EHBP1: variants seen among roughly 807,000 people sequenced by gnomAD.
EHBP1 encodes the protein EH domain-binding protein 1.
In EHBP1, 55 loss-of-function variants were observed where a neutral mutation model predicts 144.0. The observed-to-expected ratio is 0.38, with a 90% CI of 0.31 to 0.48. The LOEUF is 0.48. Ranked by LOEUF, EHBP1 falls within the 20% of genes least tolerant of loss-of-function variation. The pLI is 0.98. For synonymous variants in EHBP1, 469 were observed against 472.7 expected, an observed-to-expected ratio of 0.99 and a Z score of 0.10; for missense variants, 1,200 against 1,364.2, an observed-to-expected ratio of 0.88 and a Z score of 1.90.
intron 1 of EHBP1, among the ~76,000 whole-genome samples, chr2:62,695,102 C>T (rs1234004937): frequency 6.6e-6 from 1 of 152,130 alleles, no homozygotes; most frequent in East Asian, 1.9e-4. Context: ...TGGCTCATGC[C>T]TATAATCCCA....
chr2:63,009,142 A>T lies in EHBP1; in HGVS notation c.3103+12376A>T, dbSNP rs1466009385. Among the ~76,000 whole-genome samples, 4 of 151,688 alleles carry T rather than the reference A, an allele frequency of 2.6e-5. No individual in the cohort carries two copies. The East Asian group carries it at 7.7e-4, about 29-fold the overall frequency. ...ATGTGATTAGTCCAATGGGGAAATC[A>T]ATTTTATAGGAGAAATTGCATGACT... On this transcript the variant is annotated intron_variant, in intron 19 of 22. Coordinates refer to ENST00000431489, the MANE Select transcript of EHBP1 (RefSeq NM_001142616.3).
chr2:63,031,680 G>C (rs1366556822), intron 19 of EHBP1, among the ~76,000 whole-genome samples: 1 of 152,180 alleles, frequency 6.6e-6, no homozygotes, highest in Admixed American at 6.5e-5. Context: ...TGTAATCCCA[G>C]CACTTTGGAA....
intron 5 of EHBP1, among the ~76,000 whole-genome samples, chr2:62,797,842 A>G (rs2043654082): frequency 6.6e-6 from 1 of 152,204 alleles, no homozygotes; most frequent in Non-Finnish European, 1.5e-5. Context: ...TCATCTGTAA[A>G]CAGGGGTAAT....
chr2:62,915,879 C>T (rs1201507987), intron 10 of EHBP1, among the ~76,000 whole-genome samples: 1 of 152,148 alleles, frequency 6.6e-6, no homozygotes, highest in African/African-American at 2.4e-5. Context: ...ATACACAACA[C>T]ATTTGCATAA....
chr2:63,039,013 G>C (rs1052661468), intron 21 of EHBP1, among the ~76,000 whole-genome samples, 197 bp downstream of exon 21: 1 of 152,116 alleles, frequency 6.6e-6, no homozygotes, highest in Non-Finnish European at 1.5e-5. Context: ...CATTATGTTT[G>C]CTATTAATAG....
At chr2:63,028,977 T>C (rs1304362130) in intron 19 of EHBP1, among the ~76,000 whole-genome samples, 1 of 152,228 alleles carries the variant, frequency 6.6e-6, no homozygotes, top group Non-Finnish European at 1.5e-5. Context: ...GTACTTCATA[T>C]TGTAATTCTC....
At chr2:62,847,626 G>A (rs1324522165) in intron 7 of EHBP1, among the ~76,000 whole-genome samples, 2 of 152,170 alleles carry the variant, frequency 1.3e-5, no homozygotes, top group Non-Finnish European at 2.9e-5. Context: ...TTGAGCTCAG[G>A]AGTTCAAGTC....
chr2:62,946,436 C>T (rs972347859), intron 12 of EHBP1, among the ~76,000 whole-genome samples: 2 of 152,052 alleles, frequency 1.3e-5, no homozygotes, highest in Non-Finnish European at 2.9e-5. Flanking sequence ...TTTACATAGT[C>T]TTTCCTTTCA....
intron 7 of EHBP1, among the ~76,000 whole-genome samples, chr2:62,849,746 C>A (rs1414681196): frequency 6.6e-6 from 1 of 152,078 alleles, no homozygotes; most frequent in East Asian, 1.9e-4. Context: ...TAGCTATGGG[C>A]TTAAAATTGC....
chr2:62,877,947 G>T (rs950607123), intron 10 of EHBP1, among the ~76,000 whole-genome samples: 1 of 152,074 alleles, frequency 6.6e-6, no homozygotes, highest in Admixed American at 6.5e-5. Context: ...CAAACCAACC[G>T]AAAGCTAGCA....
At chr2:62,751,758 T>C (rs1467893376) in intron 3 of EHBP1, among the ~76,000 whole-genome samples, 5 of 152,238 alleles carry the variant, frequency 3.3e-5, no homozygotes, top group Admixed American at 2.6e-4. Flanking sequence ...CTAGATTTTC[T>C]AGTTTATTTG....
intron 3 of EHBP1, among the ~76,000 whole-genome samples, chr2:62,751,962 G>GT (rs1467012834): frequency 6.6e-6 from 1 of 151,576 alleles, no homozygotes; most frequent in Non-Finnish European, 1.5e-5. Context: ...TTTTTGAAGG[G>GT]TTTTTTGTGT....
rs773117518 is a variant in EHBP1, at chr2:62,859,192, T to C, written c.658T>C (p.Leu220=). The C allele has an allele frequency of 6.2e-7, 1 of 1,612,036 alleles. No individual in the cohort carries two copies. The highest frequency in any genetic ancestry group is 2.2e-5 in the East Asian group (1 of 44,792). Residue 220 remains leucine (L), a synonymous_variant, in exon 8 of 23, where the codon TTG becomes CTG. Transcript: ENST00000431489. ...ITELINKLNF[L]DEAEKDLATV... ...AGAGCTTATCAACAAACTTAACTTT[T>C]TGGATGAAGCAGAAAAGGACTTGGC...
At chr2:62,710,613 A>G (rs887710772) in intron 2 of EHBP1, among the ~76,000 whole-genome samples, 4 of 151,908 alleles carry the variant, frequency 2.6e-5, no homozygotes, top group Admixed American at 1.3e-4. Context: ...CCTGAAAGTA[A>G]CTCTTCTTTT....
chr2:62,835,466 T>C (rs1212621690), intron 7 of EHBP1, among the ~76,000 whole-genome samples: 1 of 152,094 alleles, frequency 6.6e-6, no homozygotes, highest in Non-Finnish European at 1.5e-5. Context: ...TCTACTTACA[T>C]TAAAAATAAA....
chr2:62,900,682 G>GTATA lies in EHBP1; in HGVS notation c.1185+26151_1185+26152insATAT, dbSNP rs1445035888. On this transcript the variant is annotated intron_variant, in intron 10 of 22. Transcript: ENST00000431489. ...TTGTTTTTTGTGGGTGTGTGTGTAT[G>GTATA]TGTATATATATATATATATATTTTC... Among the ~76,000 whole-genome samples, 509 of 144,478 alleles carry GTATA rather than the reference G, an allele frequency of 3.5e-3. 20 individuals are homozygous for GTATA. The highest frequency in any genetic ancestry group is 0.013 in the African/African-American group (480 of 35,664). 94.8% of individuals were successfully genotyped at this position (144,478 alleles called of 152,430 possible). A position where few individuals can be genotyped will look rare whatever the true frequency, so the allele number is the denominator to read the frequency against.
At chr2:62,684,311 T>G (rs1260886091) in intron 1 of EHBP1, among the ~76,000 whole-genome samples, 3 of 147,808 alleles carry the variant, frequency 2.0e-5, no homozygotes, top group Non-Finnish European at 3.0e-5. Flanking sequence ...AGTGGAGGGA[T>G]GGGGGTAGAG....
intron 5 of EHBP1, among the ~76,000 whole-genome samples, chr2:62,815,511 A>G (rs2045369214): frequency 6.6e-6 from 1 of 152,224 alleles, no homozygotes; most frequent in African/African-American, 2.4e-5. Context: ...CTGCATTGCA[A>G]AGGAGAAAGT....
chr2:62,954,568 A>G (rs1417761211), intron 13 of EHBP1, among the ~76,000 whole-genome samples: 1 of 152,184 alleles, frequency 6.6e-6, no homozygotes, highest in East Asian at 1.9e-4. Context: ...TTAAGTTTAT[A>G]GAAAAAAAGG....
Sources: allele counts gnomAD v4.1 joint callset (sites outside exome capture counted in the v4.1 genomes callset), GRCh38; gene constraint gnomAD v4.1.1; transcripts MANE v1.5; gene names NCBI Gene and HGNC (gene_info 2026-07-23, HGNC 2026-07-21).